The following CCDC178 variants were observed in gnomAD, a reference collection of about 807,000 sequenced individuals.
The protein encoded by CCDC178 is coiled-coil domain containing 178.
CCDC178 carries 126 observed loss-of-function variants against 117.4 expected under a neutral mutation model. The observed-to-expected ratio is 1.07, with a 90% CI of 0.93 to 1.24. CCDC178 has a LOEUF of 1.24. CCDC178 is among the 50% of genes most tolerant of loss of function. The probability of loss-of-function intolerance (pLI) is 0.00; values close to 1 mark genes in which losing one functional copy is unlikely to be tolerated. For missense variants in CCDC178, 1,030 were observed against 986.9 expected (o/e 1.04, Z -0.59); for synonymous variants, 283 against 313.4 (o/e 0.90, Z 1.02).
intron 5 of CCDC178, among the ~76,000 whole-genome samples, chr18:33,371,843 A>G (rs923689350): frequency 6.6e-6 from 1 of 151,626 alleles, no homozygotes; most frequent in African/African-American, 2.4e-5. Flanking sequence ...AAAGACCAAA[A>G]GAACAATCTA....
intron 21 of CCDC178, among the ~76,000 whole-genome samples, chr18:33,031,222 T>TG (rs2056335558): frequency 6.6e-6 from 1 of 152,018 alleles, no homozygotes; most frequent in Non-Finnish European, 1.5e-5. Context: ...AATGACTTTT[T>TG]TACTACATAT....
At chr18:33,153,243 A>G (rs1411230324) in intron 20 of CCDC178, among the ~76,000 whole-genome samples, 1 of 150,946 alleles carries the variant, frequency 6.6e-6, no homozygotes, top group African/African-American at 2.4e-5. Flanking sequence ...GAAATACGAC[A>G]TTAAATATTT....
chr18:33,296,136 C>A (rs2062103273), intron 11 of CCDC178, among the ~76,000 whole-genome samples: 1 of 151,948 alleles, frequency 6.6e-6, no homozygotes, highest in Non-Finnish European at 1.5e-5. Context: ...CTTCAACAAC[C>A]CAGATTGTTC....
chr18:33,197,478 G>A (rs997535988), intron 20 of CCDC178, among the ~76,000 whole-genome samples: 4 of 152,012 alleles, frequency 2.6e-5, no homozygotes, highest in African/African-American at 9.7e-5. Context: ...GTAGAAGGGG[G>A]ACCCATTATA....
chr18:32,942,067 G>T (rs994585346), intron 22 of CCDC178, among the ~76,000 whole-genome samples: 6 of 152,072 alleles, frequency 3.9e-5, no homozygotes, highest in African/African-American at 1.2e-4. Flanking sequence ...GAGAAAATGG[G>T]AGGATATATA....
chr18:33,030,584 TGAGA>T (rs1191434989), intron 21 of CCDC178, among the ~76,000 whole-genome samples: 1 of 142,428 alleles, frequency 7.0e-6, no homozygotes, highest in African/African-American at 2.8e-5. Context: ...GATATAGATA[TGAGA>T]GAGAGAGAAT....
At chr18:32,941,479 G>T (rs1454270869) in intron 22 of CCDC178, among the ~76,000 whole-genome samples, 1 of 152,024 alleles carries the variant, frequency 6.6e-6, no homozygotes, top group Non-Finnish European at 1.5e-5. Flanking sequence ...TTTTAAAAGA[G>T]ATATATTGGC....
chr18:33,046,418 G>C (rs747838941), intron 21 of CCDC178, among the ~76,000 whole-genome samples: 15 of 151,968 alleles, frequency 9.9e-5, no homozygotes, highest in Non-Finnish European at 1.8e-4. Context: ...ACTCATTTTT[G>C]ATGGCCTAGA....
In CCDC178 at chr18:32,973,976, T is replaced by C. The variant is rs899077546; in HGVS notation, c.2523+571A>G. Among the ~76,000 whole-genome samples, 10 of 152,304 alleles carry C rather than the reference T, an allele frequency of 6.6e-5. No homozygotes were observed. In the East Asian group the frequency reaches 1.2e-3, roughly 18 times the overall value. ...ATTTAATGTGGGTTTCTAAAATATA[T>C]CATTCTTAAAATGAAACAATGTATC... On this transcript the variant is annotated intron_variant, in intron 22 of 22. Transcript: ENST00000383096.
chr18:33,325,377 T>A (rs1242522951), intron 10 of CCDC178, among the ~76,000 whole-genome samples: 3 of 151,992 alleles, frequency 2.0e-5, no homozygotes, highest in Non-Finnish European at 4.4e-5. Flanking sequence ...TTCTTTGGAG[T>A]GATATATTTT....
intron 11 of CCDC178, among the ~76,000 whole-genome samples, chr18:33,311,256 A>C (rs1319479918): frequency 6.6e-6 from 1 of 152,232 alleles, no homozygotes; most frequent in Non-Finnish European, 1.5e-5. Context: ...GTACAAGACA[A>C]ACAATCCTAT....
chr18:32,970,342 T>A (rs1039902136), intron 22 of CCDC178, among the ~76,000 whole-genome samples: 1 of 152,002 alleles, frequency 6.6e-6, no homozygotes, highest in Non-Finnish European at 1.5e-5. Flanking sequence ...GTTTAACTGA[T>A]TTTTGAATTG....
At position 33,399,072 on chromosome 18, in the gene CCDC178, C is replaced by T. The variant is rs139245538; in HGVS notation, c.59-1864G>A. Among the ~76,000 whole-genome samples the T allele has an allele frequency of 2.2e-3, 341 of 152,070 alleles. 2 individuals are homozygous for T. The highest frequency in any genetic ancestry group is 7.5e-3 in the African/African-American group (310 of 41,488). On this transcript the variant is annotated intron_variant, in intron 3 of 22. Coordinates refer to ENST00000383096, the MANE Select transcript of CCDC178 (RefSeq NM_001105528.4). ...AAAATTAGCTGGACGTGGTGGCAGG[C>T]GCCTGTAGTCCCAGCTACACGGGAG...
chr18:33,266,565 T>C lies in CCDC178; in HGVS notation c.1409+351A>G, dbSNP rs190348638. Among the ~76,000 whole-genome samples, 19 of 149,252 alleles carry C rather than the reference T, an allele frequency of 1.3e-4. No individual in the cohort carries two copies. The East Asian group carries it at 3.8e-3, about 30-fold the overall frequency. On this transcript the variant is annotated intron_variant, in intron 14 of 22. Coordinates refer to ENST00000383096, the MANE Select transcript of CCDC178 (RefSeq NM_001105528.4). Reference sequence around the variant, plus strand: ...TTTTTTTTCTTTATTTTATTATTATTATACTTTAAGTTTTAGGGTGAACAA... The same window carrying C: ...TTTTTTTTCTTTATTTTATTATTATCATACTTTAAGTTTTAGGGTGAACAA...
intron 22 of CCDC178, among the ~76,000 whole-genome samples, chr18:32,940,279 G>A (rs2054208019): frequency 6.6e-6 from 1 of 151,932 alleles, no homozygotes; most frequent in Non-Finnish European, 1.5e-5. Flanking sequence ...TTCTGTGAAT[G>A]TTTGTATGAA....
intron 7 of CCDC178, 38 bp from the exon 8 acceptor site, chr18:33,349,013 T>C: frequency 7.4e-7 from 1 of 1,355,208 alleles, no homozygotes. Flanking sequence ...AAAGAAGTAC[T>C]TAAAGTTAGT....
intron 14 of CCDC178, among the ~76,000 whole-genome samples, chr18:33,257,617 G>A (rs2059696650): frequency 6.6e-6 from 1 of 152,038 alleles, no homozygotes; most frequent in South Asian, 2.1e-4. Flanking sequence ...TTTAAAAGAT[G>A]TGAGCTCTGT....
chr18:33,218,453 T>C (rs1324943562), intron 18 of CCDC178, among the ~76,000 whole-genome samples: 2 of 152,162 alleles, frequency 1.3e-5, no homozygotes, highest in Non-Finnish European at 2.9e-5. Flanking sequence ...CTCTTTAGTT[T>C]AATTAGATCC....
chr18:33,128,744 C>G (rs778401897), intron 20 of CCDC178, among the ~76,000 whole-genome samples: 2 of 152,166 alleles, frequency 1.3e-5, no homozygotes, highest in African/African-American at 2.4e-5. Context: ...GGAGAGAAAT[C>G]AGTGACTAAC....
Sources: allele counts gnomAD v4.1 joint callset (sites outside exome capture counted in the v4.1 genomes callset), GRCh38; gene constraint gnomAD v4.1.1; transcripts MANE v1.5; gene names NCBI Gene and HGNC (gene_info 2026-07-23, HGNC 2026-07-21).